The following BICD1 variants were observed in gnomAD, a reference collection of about 807,000 sequenced individuals.
BICD1 encodes protein bicaudal D homolog 1.
BICD1 carries 35 observed loss-of-function variants against 92.5 expected under a neutral mutation model. The observed-to-expected ratio is 0.38, with a 90% CI of 0.29 to 0.50. BICD1 has a LOEUF of 0.50. Among genes scored for constraint, BICD1 ranks in the 20% least tolerant of loss-of-function variants. BICD1 has a pLI of 0.93. For synonymous variants in BICD1, 429 were observed against 465.1 expected, an observed-to-expected ratio of 0.92 and a Z score of 1.00; for missense variants, 950 against 1,189.8, an observed-to-expected ratio of 0.80 and a Z score of 2.97.
intron 1 of BICD1, among the ~76,000 whole-genome samples, chr12:32,119,070 C>T (rs992737652): frequency 3.3e-5 from 5 of 152,102 alleles, no homozygotes; most frequent in African/African-American, 9.7e-5. Flanking sequence ...TGAGCCCAGA[C>T]CTGAATGATG....
At chr12:32,236,247 T>C (rs1417238864) in intron 2 of BICD1, among the ~76,000 whole-genome samples, 1 of 151,510 alleles carries the variant, frequency 6.6e-6, no homozygotes, top group African/African-American at 2.4e-5. Flanking sequence ...ACAAAAAAAT[T>C]AGCTGGGTGT....
chr12:32,306,972 G>A (rs551311031), intron 4 of BICD1, among the ~76,000 whole-genome samples: 2 of 151,770 alleles, frequency 1.3e-5, no homozygotes, highest in South Asian at 4.2e-4. Flanking sequence ...AGCCGAGATC[G>A]CCATTGCACT....
intron 2 of BICD1, chr12:32,228,224 G>A (rs964655721): frequency 6.5e-6 from 1 of 153,102 alleles, no homozygotes; most frequent in Non-Finnish European, 1.5e-5. Context: ...AAAGGAGTTG[G>A]TTTAGATTGA....
rs187159143 is a variant in BICD1 at position 32,322,334 on chromosome 12, T to A, written c.1006-5127T>A. 3.3e-5 allele frequency among the ~76,000 whole-genome samples: 5 copies of A among 152,298 alleles called. No homozygotes were observed. In the East Asian group the frequency reaches 9.6e-4, roughly 29 times the overall value. The stretch of plus-strand genomic sequence containing the variant: ...AGAAAGTAGTACTGTATAGCAGCAG[T>A]CCCCAACTTTTTTTGGACCAGTGAT... On this transcript the variant is annotated intron_variant, in intron 4 of 9. Transcript: ENST00000652176.
intron 4 of BICD1, among the ~76,000 whole-genome samples, chr12:32,321,591 ACT>A (rs1245977374): frequency 6.6e-6 from 1 of 151,996 alleles, no homozygotes; most frequent in Non-Finnish European, 1.5e-5. Flanking sequence ...AAACCCCTCA[ACT>A]CTCTCTTGGA....
chr12:32,351,299 A>T (rs1938864035), intron 8 of BICD1, among the ~76,000 whole-genome samples: 1 of 151,624 alleles, frequency 6.6e-6, no homozygotes, highest in Non-Finnish European at 1.5e-5. Flanking sequence ...CAGCCTGGCC[A>T]ACATGGTGAA....
chr12:32,110,184 C>CT (rs1384410683), intron 1 of BICD1, among the ~76,000 whole-genome samples: 2 of 152,212 alleles, frequency 1.3e-5, no homozygotes, highest in African/African-American at 4.8e-5. Flanking sequence ...ACCAATGTTG[C>CT]TACCTTCCTT....
At chr12:32,107,898 C>A (rs941177407) in intron 1 of BICD1, 1 of 580,740 alleles carries the variant, frequency 1.7e-6, no homozygotes, top group Non-Finnish European at 3.1e-6. Flanking sequence ...CAGGTTTCAG[C>A]GACAATTTCG....
At chr12:32,340,822 G>A (rs1306788007) in intron 8 of BICD1, 1 of 152,910 alleles carries the variant, frequency 6.5e-6, no homozygotes, top group Non-Finnish European at 1.5e-5. Context: ...GTCCACTGAG[G>A]TAGTTTTTCA....
chr12:32,127,604 ATTC>A (rs543509813), intron 1 of BICD1, among the ~76,000 whole-genome samples: 30 of 152,306 alleles, frequency 2.0e-4, no homozygotes, highest in Non-Finnish European at 3.8e-4. Context: ...TGATGGAATA[ATTC>A]TTCTTATTTT....
intron 2 of BICD1, among the ~76,000 whole-genome samples, chr12:32,233,355 AT>A (rs1945954964): frequency 6.8e-6 from 1 of 146,032 alleles, no homozygotes; most frequent in South Asian, 2.2e-4. Context: ...GCTTACACAT[AT>A]TCCCTTTACT....
intron 1 of BICD1, among the ~76,000 whole-genome samples, chr12:32,146,085 GA>G (rs1943091526): frequency 6.6e-6 from 1 of 152,216 alleles, no homozygotes; most frequent in Admixed American, 6.5e-5. Flanking sequence ...ATATACATAT[GA>G]ACAAAGGCTC....
chr12:32,353,578 G>A (rs979814722), intron 8 of BICD1: 2 of 151,264 alleles, frequency 1.3e-5, no homozygotes, highest in Non-Finnish European at 2.9e-5. Context: ...TTTTTTTAAT[G>A]ATTAAAAAAA....
At chr12:32,194,423 G>A (rs944247334) in intron 1 of BICD1, among the ~76,000 whole-genome samples, 8 of 152,162 alleles carry the variant, frequency 5.3e-5, no homozygotes, top group African/African-American at 1.9e-4. Context: ...GTTTGCAGAT[G>A]TCATGATCTT....
At chr12:32,147,944 G>GCCCT (rs944581286) in intron 1 of BICD1, among the ~76,000 whole-genome samples, 4 of 150,158 alleles carry the variant, frequency 2.7e-5, no homozygotes, top group Non-Finnish European at 5.9e-5. Flanking sequence ...TTTGAGGCCA[G>GCCCT]CCCTAGCAAT....
At position 32,148,562 on chromosome 12, in the gene BICD1, A is replaced by G. The variant is rs1442113040; in HGVS notation, c.213+41018A>G. Among the ~76,000 whole-genome samples the G allele has an allele frequency of 3.3e-5, 5 of 152,288 alleles. No individual in the cohort carries two copies. The East Asian group carries it at 9.7e-4, about 29-fold the overall frequency. ...GGAATGGAATACAGTTTCCCAGCCC[A>G]TGAATCATGACCTGAATCATGTCAA... is the stretch of plus-strand genomic sequence containing the variant. On this transcript the variant is annotated intron_variant, in intron 1 of 9. Coordinates refer to ENST00000652176, the MANE Select transcript of BICD1 (RefSeq NM_001714.4).
At chr12:32,296,002 G>A (rs1352318008) in intron 3 of BICD1, among the ~76,000 whole-genome samples, 2 of 151,932 alleles carry the variant, frequency 1.3e-5, no homozygotes. Context: ...GGAGTGCTGG[G>A]GGGAAGGCAT....
chr12:32,359,621 C>A (rs1939247356), intron 8 of BICD1, among the ~76,000 whole-genome samples: 1 of 152,134 alleles, frequency 6.6e-6, no homozygotes, highest in Non-Finnish European at 1.5e-5. Flanking sequence ...CCTTTCAATA[C>A]TGCCACATTG....
At chr12:32,254,650 T>C (rs1038754426) in intron 2 of BICD1, among the ~76,000 whole-genome samples, 3 of 152,214 alleles carry the variant, frequency 2.0e-5, no homozygotes, top group African/African-American at 7.2e-5. Context: ...TCTCATTCAA[T>C]TGGGACAGTC....
Sources: gnomAD v4.1 joint callset for allele counts (sites outside exome capture counted in the v4.1 genomes callset) on GRCh38, gnomAD v4.1.1 for gene constraint, MANE v1.5 for transcripts, NCBI Gene and HGNC (gene_info 2026-07-23, HGNC 2026-07-21) for gene names.